The following KNTC1 variants were observed in gnomAD, a reference collection of about 807,000 sequenced individuals.
The protein encoded by KNTC1 is kinetochore associated 1, also known as kinetochore-associated protein 1.
KNTC1 carries 253 observed loss-of-function variants against 314.4 expected under a neutral mutation model. The observed-to-expected ratio is 0.80, with a 90% CI of 0.73 to 0.89. The LOEUF is 0.89. Ranked by LOEUF, KNTC1 falls within the 40% of genes least tolerant of loss-of-function variation. KNTC1 has a pLI of 0.00. For missense variants in KNTC1, 2,475 were observed against 2,572.9 expected (o/e 0.96, Z 0.82); for synonymous variants, 901 against 901.4 (o/e 1.00, Z 0.01).
intron 55 of KNTC1, among the ~76,000 whole-genome samples, chr12:122,614,635 C>T (rs1427161969): frequency 6.6e-6 from 1 of 152,046 alleles, no homozygotes; most frequent in Non-Finnish European, 1.5e-5. Context: ...AATCTCAGTA[C>T]TTTGGGAGGC....
At chr12:122,558,223 C>G (rs945616366) in intron 18 of KNTC1, among the ~76,000 whole-genome samples, 5 of 152,010 alleles carry the variant, frequency 3.3e-5, no homozygotes, top group Non-Finnish European at 5.9e-5. Context: ...GCTCTTCAGC[C>G]TGGGTGACAG....
intron 60 of KNTC1, 102 bp downstream of exon 60, chr12:122,620,710 G>A (rs1874336029): frequency 1.7e-6 from 2 of 1,194,884 alleles, no homozygotes; most frequent in Non-Finnish European, 2.3e-6. Flanking sequence ...AACCTGTAAA[G>A]CATGAATACA....
rs758235054 is a variant in KNTC1, at chr12:122,541,287, G to GCCTGCCTGCCTGCCTTCCTTCCTT, written c.446-760_446-759insGCCTGCCTGCCTTCCTTCCTTCCT. 1.4e-3 allele frequency among the ~76,000 whole-genome samples: 169 copies of GCCTGCCTGCCTGCCTTCCTTCCTT among 120,932 alleles called. 4 individuals are homozygous for GCCTGCCTGCCTGCCTTCCTTCCTT. The highest frequency in any genetic ancestry group is 5.8e-3 in the African/African-American group (161 of 27,680). 79.3% of individuals were successfully genotyped at this position (120,932 alleles called of 152,430 possible). A position where few individuals can be genotyped will look rare whatever the true frequency, so the allele number is the denominator to read the frequency against. On this transcript the variant is annotated intron_variant, in intron 5 of 63. Transcript: ENST00000333479. ...TGCCTGCCTGCCTGCCTGCCTGCCT[G>GCCTGCCTGCCTGCCTTCCTTCCTT]CCTTCCTTCCTTCCTTCCTTCCTTC...
chr12:122,548,249 C>G (rs887048330), intron 12 of KNTC1, among the ~76,000 whole-genome samples: 2 of 151,908 alleles, frequency 1.3e-5, no homozygotes, highest in South Asian at 2.1e-4. Context: ...TACCCTGTCC[C>G]CTGGGCTGTA....
In KNTC1 at chr12:122,570,933, G is replaced by A; in HGVS notation, c.1917+1G>A. 1 of 1,577,116 alleles carries A rather than the reference G, an allele frequency of 6.3e-7. No individual in the cohort carries two copies. The highest frequency in any genetic ancestry group is 8.6e-7 in the Non-Finnish European group (1 of 1,156,964). On this transcript the variant is annotated splice_donor_variant, in intron 23 of 63. Transcript: ENST00000333479. LOFTEE classifies it high-confidence loss of function. ...CAGGAACCTTGAATTAACTGATAAGGTAATACTGATTTAATTAACAGTAAA... is the reference window on the plus strand; with the variant it reads ...CAGGAACCTTGAATTAACTGATAAGATAATACTGATTTAATTAACAGTAAA...
intron 24 of KNTC1, 86 bp from the exon 25 acceptor site, chr12:122,572,851 C>A (rs1964785303): frequency 6.2e-6 from 7 of 1,129,968 alleles, no homozygotes; most frequent in Non-Finnish European, 8.7e-6. Flanking sequence ...AGGGTTAATT[C>A]TTATTTTATC....
intron 16 of KNTC1, among the ~76,000 whole-genome samples, chr12:122,554,869 G>C (rs1963471688): frequency 1.3e-5 from 2 of 152,122 alleles, no homozygotes; most frequent in Admixed American, 6.6e-5. Context: ...TAGAAAATTG[G>C]TTGTCTTTAA....
chr12:122,613,996 A>T (rs934111676), intron 55 of KNTC1, among the ~76,000 whole-genome samples: 2 of 152,026 alleles, frequency 1.3e-5, no homozygotes, highest in Non-Finnish European at 2.9e-5. Flanking sequence ...ACACCTGGCT[A>T]ATTTTTGTAT....
chr12:122,540,867 A>T (rs1446534900), intron 5 of KNTC1, among the ~76,000 whole-genome samples: 2 of 152,194 alleles, frequency 1.3e-5, no homozygotes, highest in African/African-American at 4.8e-5. Flanking sequence ...ATAATATTTG[A>T]TCATTAGAAT....
chr12:122,561,701 G>A (rs140979643), intron 18 of KNTC1, among the ~76,000 whole-genome samples: 2,322 of 152,122 alleles, frequency 0.015, 20 homozygotes, highest in Non-Finnish European at 0.027. Context: ...CAGTCCGCCC[G>A]CCTCAGCCTT....
In KNTC1 at chr12:122,582,930, C is replaced by A; in HGVS notation, c.3208C>A (p.Leu1070Met). 6.2e-7 allele frequency: 1 copy of A among 1,613,574 alleles called. No individual in the cohort carries two copies. The highest frequency in any genetic ancestry group is 8.5e-7 in the Non-Finnish European group (1 of 1,179,708). Residue 1070 changes from leucine to methionine, a missense_variant, in exon 34 of 64, where the codon CTG becomes ATG. Coordinates refer to ENST00000333479, the MANE Select transcript of KNTC1 (RefSeq NM_014708.6). ...GTCCAAACAAGAGCTGGAGGCAGAGCTGACCTTGAGAGCCTTAAAAGATGG... is the reference window on the plus strand; with the variant it reads ...GTCCAAACAAGAGCTGGAGGCAGAGATGACCTTGAGAGCCTTAAAAGATGG... The part of the protein sequence containing the change: ...QMSKQELEAE[L>M]TLRALKDGNI...
At chr12:122,535,592 A>G (rs1424535567) in intron 3 of KNTC1, among the ~76,000 whole-genome samples, 1 of 151,984 alleles carries the variant, frequency 6.6e-6, no homozygotes, top group Non-Finnish European at 1.5e-5. Context: ...GCAGTGAGCC[A>G]AGATCACTCC....
intron 20 of KNTC1, among the ~76,000 whole-genome samples, chr12:122,564,109 C>G (rs1156975125): frequency 2.0e-5 from 3 of 152,136 alleles, no homozygotes; most frequent in Non-Finnish European, 4.4e-5. Flanking sequence ...TCCCAAGTAA[C>G]TGGGATTACA....
At chr12:122,586,952 TTACAGGCGTGTGCCAC>T (rs1386047319) in intron 38 of KNTC1, among the ~76,000 whole-genome samples, 195 bp downstream of exon 38, 1 of 152,124 alleles carries the variant, frequency 6.6e-6, no homozygotes, top group African/African-American at 2.4e-5. Flanking sequence ...GTAGCTGGGA[TTACAGGCGTGTGCCAC>T]CACGCCGAGC....
chr12:122,540,611 T>C (rs1962228104), intron 5 of KNTC1, among the ~76,000 whole-genome samples: 1 of 152,146 alleles, frequency 6.6e-6, no homozygotes, highest in South Asian at 2.1e-4. Flanking sequence ...TTTACAGTTT[T>C]GAGATTTCTA....
chr12:122,559,331 C>G (rs1262369994), intron 18 of KNTC1, among the ~76,000 whole-genome samples: 3 of 151,944 alleles, frequency 2.0e-5, no homozygotes, highest in Non-Finnish European at 4.4e-5. Flanking sequence ...CGGAGCAAGA[C>G]TCTGTCCCAA....
intron 13 of KNTC1, 136 bp downstream of exon 13, chr12:122,550,000 G>T: frequency 1.8e-6 from 1 of 548,042 alleles, no homozygotes; most frequent in Non-Finnish European, 3.3e-6. Context: ...TAAATTTCAG[G>T]TTTATAACTA....
intron 13 of KNTC1, 25 bp downstream of exon 13, chr12:122,549,889 A>AG: frequency 1.5e-6 from 2 of 1,299,362 alleles, no homozygotes; most frequent in Non-Finnish European, 2.2e-6. Context: ...ATTTTAAAGT[A>AG]TTCTTTTAAC....
At chr12:122,595,627 T>A (rs1194634053) in intron 43 of KNTC1, among the ~76,000 whole-genome samples, 1 of 152,244 alleles carries the variant, frequency 6.6e-6, no homozygotes, top group Non-Finnish European at 1.5e-5. Flanking sequence ...AGGCTGCGCA[T>A]AGCTCGAAGG....
Sources: allele counts gnomAD v4.1 joint callset (sites outside exome capture counted in the v4.1 genomes callset), GRCh38; gene constraint gnomAD v4.1.1; transcripts MANE v1.5; gene names NCBI Gene and HGNC (gene_info 2026-07-23, HGNC 2026-07-21).